KIF13B: variants seen among roughly 807,000 people sequenced by gnomAD.
The protein encoded by KIF13B is kinesin-like protein KIF13B.
In KIF13B, 127 loss-of-function variants were observed where a neutral mutation model predicts 222.0. The observed-to-expected ratio is 0.57, with a 90% CI of 0.50 to 0.66. The LOEUF is 0.66. Ranked by LOEUF, KIF13B falls within the 30% of genes least tolerant of loss-of-function variation. The pLI, the probability that KIF13B is intolerant of heterozygous loss-of-function variation, is 0.00. For synonymous variants in KIF13B, 976 were observed against 919.0 expected (o/e 1.06, Z -1.12); for missense variants, 2,173 against 2,379.0 (o/e 0.91, Z 1.80).
intron 36 of KIF13B, among the ~76,000 whole-genome samples, chr8:29,096,565 G>A (rs775504002): frequency 6.6e-6 from 1 of 151,932 alleles, no homozygotes; most frequent in Admixed American, 6.6e-5. Flanking sequence ...GCTACAGGTG[G>A]GAGCTACCGC....
rs1223055978 is a variant in KIF13B, at chr8:29,071,347, C to T, written c.5218+273G>A. Among the ~76,000 whole-genome samples, 2 of 152,062 alleles carry T rather than the reference C, an allele frequency of 1.3e-5. No homozygotes were observed. Among genetic ancestry groups the T allele is most frequent in the African/African-American group, 4.8e-5 (2 of 41,382 alleles). Reference sequence around the variant, plus strand: ...CAGGGAGTGCAGAGGGCAGGGGAGACCGGAACAAAAGCGGGAACAGCCATG... The same window carrying T: ...CAGGGAGTGCAGAGGGCAGGGGAGATCGGAACAAAAGCGGGAACAGCCATG... On this transcript the variant is annotated intron_variant, in intron 39 of 39. Transcript: ENST00000524189. The surrounding 1 kb of genome is among the most constrained non-coding windows in gnomAD (Gnocchi z 4.9).
chr8:29,229,033 A>G lies in KIF13B; in HGVS notation c.149+16313T>C, dbSNP rs181869296. On this transcript the variant is annotated intron_variant, in intron 2 of 39. Transcript: ENST00000524189. Reference sequence around the variant, plus strand: ...CTATGGTTGTTGAATGAATTAATGAATATGATACACACTTAGCTGTATGTG... The same window carrying G: ...CTATGGTTGTTGAATGAATTAATGAGTATGATACACACTTAGCTGTATGTG... Among the ~76,000 whole-genome samples the G allele has an allele frequency of 2.0e-5, 3 of 149,308 alleles. No homozygotes were observed. The East Asian group carries it at 5.9e-4, about 29-fold the overall frequency.
Position 29,263,029 on chromosome 8 carries a change from C to T in KIF13B, c.6G>A (p.Gly2=), listed in dbSNP as rs1475096304. 6.3e-7 allele frequency: 1 copy of T among 1,596,218 alleles called. No individual in the cohort carries two copies. Among genetic ancestry groups the T allele is most frequent in the Non-Finnish European group, 8.5e-7 (1 of 1,173,094 alleles). Residue 2 remains glycine (G), a synonymous_variant, in exon 1 of 40, where the codon GGG becomes GGA. Coordinates refer to ENST00000524189, the MANE Select transcript of KIF13B (RefSeq NM_015254.4). ...GCACCGCCACTTTCACTTTGGAGTC[C>T]CCCATCCTGCAGCCGCCGAGGAACT... M[G]DSKVKVAVRI...
In KIF13B at chr8:29,132,445, G is replaced by C; in HGVS notation, c.2805C>G (p.Thr935=). Residue 935 remains threonine (T), a synonymous_variant, in exon 23 of 40, where the codon ACC becomes ACG. Transcript: ENST00000524189. ...DHCNEFSVNI[T]EDFIEHLSEG... ...CGGAAAGATGCTCGATAAAGTCTTC[G>C]GTGATGTTAACAGAAAACTCCTGAA... is the stretch of plus-strand genomic sequence containing the variant. The C allele has an allele frequency of 6.5e-7, 1 of 1,540,664 alleles. No individual in the cohort carries two copies. Among genetic ancestry groups the C allele is most frequent in the Non-Finnish European group, 8.8e-7 (1 of 1,141,798 alleles).
chr8:29,228,068 A>G (rs1815105771), intron 2 of KIF13B, among the ~76,000 whole-genome samples: 1 of 151,210 alleles, frequency 6.6e-6, no homozygotes, highest in South Asian at 2.1e-4. Flanking sequence ...TTCAAAGTAC[A>G]TCATTGGGCA....
intron 2 of KIF13B, among the ~76,000 whole-genome samples, chr8:29,239,551 G>A (rs74340207): frequency 0.013 from 1,954 of 152,302 alleles, 21 homozygotes; most frequent in African/African-American, 0.034. Flanking sequence ...GGAAGGAGGA[G>A]GAGGCAAGAG....
chr8:29,203,260 C>T (rs555765426), intron 2 of KIF13B, among the ~76,000 whole-genome samples: 1 of 152,328 alleles, frequency 6.6e-6, no homozygotes, highest in East Asian at 1.9e-4. Flanking sequence ...CTTCCTTTCA[C>T]CCATGTGGGA....
intron 37 of KIF13B, among the ~76,000 whole-genome samples, chr8:29,082,612 C>A (rs1398637302): frequency 6.6e-6 from 1 of 151,984 alleles, no homozygotes; most frequent in Non-Finnish European, 1.5e-5. Flanking sequence ...GCACTCCAGC[C>A]TGGGCAACAG....
In KIF13B at chr8:29,140,517, T is replaced by C. The variant is rs751607607; in HGVS notation, c.2435A>G (p.Tyr812Cys). ...AACAGCGTATTGTAACTTCACATCA[T>C]AGAAAAGTGACTCGAGGAAGACATT... is the stretch of plus-strand genomic sequence containing the variant. Reference protein sequence around the residue: ...VANVFLESLFYDVKLQYAVPI... With the variant: ...VANVFLESLFCDVKLQYAVPI... The change falls in exon 20 of 40, where the codon TAT becomes TGT. Residue 812 changes from tyrosine (Y) to cysteine (C), a missense_variant. Physicochemically the swap from Tyr to Cys is radical, Grantham distance 194 (BLOSUM62 -2). Transcript: ENST00000524189. The C allele has an allele frequency of 1.2e-5, 19 of 1,613,942 alleles. No homozygotes were observed. Among genetic ancestry groups the C allele is most frequent in the Admixed American group, 3.3e-5 (2 of 60,016 alleles).
chr8:29,090,148 G>A (rs1018948178), intron 37 of KIF13B, among the ~76,000 whole-genome samples: 4 of 152,130 alleles, frequency 2.6e-5, no homozygotes, highest in South Asian at 2.1e-4. Flanking sequence ...ACTGGTGAGC[G>A]AATAAAGAAG....
intron 1 of KIF13B, among the ~76,000 whole-genome samples, chr8:29,260,982 A>G (rs945876504): frequency 1.3e-5 from 2 of 152,222 alleles, no homozygotes; most frequent in Admixed American, 1.3e-4. Flanking sequence ...TTACAATCCC[A>G]CCACACTGTA....
At chr8:29,207,286 A>G (rs1813994408) in intron 2 of KIF13B, among the ~76,000 whole-genome samples, 1 of 152,060 alleles carries the variant, frequency 6.6e-6, no homozygotes, top group Non-Finnish European at 1.5e-5. Context: ...TGCCTTTCCC[A>G]TTGTTTGCCC....
intron 2 of KIF13B, among the ~76,000 whole-genome samples, chr8:29,223,084 G>A (rs1365202845): frequency 1.3e-5 from 2 of 150,822 alleles, no homozygotes; most frequent in African/African-American, 4.9e-5. Context: ...TTGGGAGGCT[G>A]AGGCACAAGG....
chr8:29,080,458 G>A lies in KIF13B; in HGVS notation c.4459-5115C>T, dbSNP rs1250935137. On this transcript the variant is annotated intron_variant, in intron 37 of 39. Transcript: ENST00000524189. ...AGGAAAACGAAGAGTTCCGGGAGGC[G>A]GGCGGGGAGAACGTGTCCAGCCCTG... 3.3e-5 allele frequency among the ~76,000 whole-genome samples: 5 copies of A among 152,216 alleles called. No individual in the cohort carries two copies. The East Asian group carries it at 5.8e-4, about 18-fold the overall frequency.
At chr8:29,180,049 A>T (rs986328640) in intron 8 of KIF13B, 55 bp downstream of exon 8, 1 of 1,598,216 alleles carries the variant, frequency 6.3e-7, no homozygotes, top group Non-Finnish European at 8.5e-7. Context: ...GGAAAAAAAT[A>T]AAACCACAAT....
rs910659329 is a variant in KIF13B at position 29,070,375 on chromosome 8, C to T, written c.*129G>A. On this transcript the variant is annotated 3_prime_UTR_variant, in exon 40 of 40. Transcript: ENST00000524189. This position sits in a 1 kb window ranked among gnomAD's most constrained non-coding sequence, Gnocchi z 4.1. ...CCCAGGGAGGTCACCAGCCCTGTGT[C>T]GTGCAAAAAGCATTCATCGCCCTGC... 8.8e-6 allele frequency: 9 copies of T among 1,020,108 alleles called. No homozygotes were observed. In the African/African-American group the frequency reaches 9.8e-5, roughly 11 times the overall value. 63.2% of individuals were successfully genotyped at this position (1,020,108 alleles called of 1,614,324 possible). A position where few individuals can be genotyped will look rare whatever the true frequency, so the allele number is the denominator to read the frequency against.
intron 12 of KIF13B, among the ~76,000 whole-genome samples, chr8:29,164,356 A>T (rs1488625117): frequency 6.6e-6 from 1 of 152,224 alleles, no homozygotes; most frequent in Non-Finnish European, 1.5e-5. Context: ...AACAACAGGG[A>T]ATTTTAACTT....
intron 37 of KIF13B, among the ~76,000 whole-genome samples, chr8:29,078,464 G>A (rs997058430): frequency 1.3e-5 from 2 of 152,082 alleles, no homozygotes; most frequent in Non-Finnish European, 2.9e-5. Context: ...TCATAACCGT[G>A]TGCTCATCCT....
intron 34 of KIF13B, among the ~76,000 whole-genome samples, chr8:29,109,009 A>G (rs1809228950): frequency 6.6e-6 from 1 of 152,232 alleles, no homozygotes; most frequent in Non-Finnish European, 1.5e-5. Context: ...AACCCCATGT[A>G]TCTGACGCAT....
Sources: gnomAD v4.1 joint callset for allele counts (sites outside exome capture counted in the v4.1 genomes callset) on GRCh38, gnomAD v4.1.1 for gene constraint, Gnocchi (gnomAD v3.1) non-coding constraint, MANE v1.5 for transcripts, NCBI Gene and HGNC (gene_info 2026-07-23, HGNC 2026-07-21) for gene names.